Variants in MAP3K4 observed in about 807,000 individuals in gnomAD.
The protein encoded by MAP3K4 is mitogen-activated protein kinase kinase kinase 4.
MAP3K4 carries 67 observed loss-of-function variants against 185.6 expected under a neutral mutation model. The ratio of observed to expected loss-of-function variants is 0.36; its 90% CI spans 0.30 to 0.44. The LOEUF is 0.44. Among genes scored for constraint, MAP3K4 ranks in the 20% least tolerant of loss-of-function variants. MAP3K4 has a pLI of 1.00. For synonymous variants in MAP3K4, 702 were observed against 710.4 expected (o/e 0.99, Z 0.19); for missense variants, 1,551 against 1,995.1 (o/e 0.78, Z 4.24).
At position 161,048,831 on chromosome 6, in the gene MAP3K4, C is replaced by T; in HGVS notation, c.559C>T (p.Pro187Ser). The change falls in exon 3 of 27, where the codon CCT (proline) becomes TCT (serine). Residue 187 changes from proline to serine, a missense_variant. By Grantham distance (74) the Pro-to-Ser change is moderately conservative. Around this residue, in one of 16 missense-constraint regions of MAP3K4, gnomAD observed 287 missense variants for 268.8 expected, o/e 1.07. Coordinates refer to ENST00000392142, the MANE Select transcript of MAP3K4 (RefSeq NM_005922.4). The surrounding 1 kb of genome is among the most constrained non-coding windows in gnomAD (Gnocchi z 4.7). ...AATTCCAGATGTGGATCTCAATAAG[C>T]CTTACCTCAGCCTTGGCTGTAGCAA... Reference protein sequence around the residue: ...KSIPDVDLNKPYLSLGCSNAK... With the variant: ...KSIPDVDLNKSYLSLGCSNAK... The T allele has an allele frequency of 6.2e-7, 1 of 1,614,178 alleles. No homozygotes were observed.
At chr6:161,018,272 T>G (rs537657794) in intron 1 of MAP3K4, among the ~76,000 whole-genome samples, 1 of 152,218 alleles carries the variant, frequency 6.6e-6, no homozygotes, top group South Asian at 2.1e-4. Context: ...TAAGGCCTTC[T>G]TGAGTCGTTG....
At position 161,093,799 on chromosome 6, in the gene MAP3K4, C is replaced by T. The variant is rs200207200; in HGVS notation, c.3375C>T (p.Cys1125=). Residue 1125 remains cysteine, a synonymous_variant, in exon 15 of 27, where the codon TGC becomes TGT. Transcript: ENST00000392142. This position sits in a 1 kb window ranked among gnomAD's most constrained non-coding sequence, Gnocchi z 5.2. ...FLSLQALMNE[C]IGHVIGKPHS... is the part of the protein sequence containing the mutation. ...GTTTACAAGCCTTGATGAATGAATGCATTGGCCATGTCATAGGAAAACCAC... is the reference window on the plus strand; with the variant it reads ...GTTTACAAGCCTTGATGAATGAATGTATTGGCCATGTCATAGGAAAACCAC... The T allele has an allele frequency of 9.9e-6, 16 of 1,613,146 alleles. No homozygotes were observed. The highest frequency in any genetic ancestry group is 1.4e-5 in the Non-Finnish European group (16 of 1,179,502).
At position 161,115,892 on chromosome 6, in the gene MAP3K4, A is replaced by G. The variant is rs1427889983; in HGVS notation, c.4806+590A>G. On this transcript the variant is annotated intron_variant, in intron 26 of 26. Transcript: ENST00000392142. This position sits in a 1 kb window ranked among gnomAD's most constrained non-coding sequence, Gnocchi z 6.0. The stretch of plus-strand genomic sequence containing the variant: ...GGATGTGGACAAGGGCAGGAAGATA[A>G]GGCTAGAACAGTAACCAGGAGCAAC... Among the ~76,000 whole-genome samples the G allele has an allele frequency of 6.6e-6, 1 of 152,196 alleles. No homozygotes were observed. The highest frequency in any genetic ancestry group is 1.5e-5 in the Non-Finnish European group (1 of 68,026).
chr6:161,035,852 T>G (rs997340011), intron 2 of MAP3K4, among the ~76,000 whole-genome samples: 2 of 152,168 alleles, frequency 1.3e-5, no homozygotes, highest in African/African-American at 4.8e-5. Flanking sequence ...TTCATACTAT[T>G]TTAGAACATG....
In MAP3K4 at chr6:161,037,657, A is replaced by T. The variant is rs1783236519; in HGVS notation, c.343+3208A>T. Among the ~76,000 whole-genome samples the T allele has an allele frequency of 6.6e-6, 1 of 151,452 alleles. No individual in the cohort carries two copies. Among genetic ancestry groups the T allele is most frequent in the Non-Finnish European group, 1.5e-5 (1 of 67,762 alleles). On this transcript the variant is annotated intron_variant, in intron 2 of 26. Coordinates refer to ENST00000392142, the MANE Select transcript of MAP3K4 (RefSeq NM_005922.4). This position sits in a 1 kb window ranked among gnomAD's most constrained non-coding sequence, Gnocchi z 4.2. The stretch of plus-strand genomic sequence containing the variant: ...GGTCTCGAACTGCTGACCTCAGGTG[A>T]TCCACCTGCCTCAGTCTCCCAAAGT...
Position 161,100,787 on chromosome 6 carries a change from T to C in MAP3K4, c.3675-1105T>C, listed in dbSNP as rs1407083357. ...TGACTTCTTGGTCTCACCAGTGGTC[T>C]TTGTTGCTGCTTAGGAGTGGAGTAG... On this transcript the variant is annotated intron_variant, in intron 17 of 26. Coordinates refer to ENST00000392142, the MANE Select transcript of MAP3K4 (RefSeq NM_005922.4). This position sits in a 1 kb window ranked among gnomAD's most constrained non-coding sequence, Gnocchi z 5.8. 6.6e-6 allele frequency among the ~76,000 whole-genome samples: 1 copy of C among 152,198 alleles called. No homozygotes were observed. The highest frequency in any genetic ancestry group is 1.5e-5 in the Non-Finnish European group (1 of 68,032).
Position 161,093,896 on chromosome 6 carries a change from G to C in MAP3K4, c.3427+45G>C, listed in dbSNP as rs1777445956. On this transcript the variant is annotated intron_variant, in intron 15 of 26. Coordinates refer to ENST00000392142, the MANE Select transcript of MAP3K4 (RefSeq NM_005922.4). The surrounding 1 kb of genome is among the most constrained non-coding windows in gnomAD (Gnocchi z 5.2). ...CATTTCTTCTGGAACATAATGATTT[G>C]AGTGGACAGATCCTCTTGTAATTGC... 7.3e-7 allele frequency: 1 copy of C among 1,362,366 alleles called. No individual in the cohort carries two copies. Among genetic ancestry groups the C allele is most frequent in the Non-Finnish European group, 1.0e-6 (1 of 956,518 alleles). 84.4% of individuals were successfully genotyped at this position (1,362,366 alleles called of 1,614,324 possible).
In MAP3K4 at chr6:161,022,956, A is replaced by T. The variant is rs943338047; in HGVS notation, c.153-11303A>T. Among the ~76,000 whole-genome samples the T allele has an allele frequency of 6.6e-6, 1 of 152,208 alleles. No individual in the cohort carries two copies. The highest frequency in any genetic ancestry group is 1.5e-5 in the Non-Finnish European group (1 of 68,044). The stretch of plus-strand genomic sequence containing the variant: ...AAAATTCTTCATAACTTAATGGGTA[A>T]CAAATTACAGAGCTGATTGAAAACA... On this transcript the variant is annotated intron_variant, in intron 1 of 26. Transcript: ENST00000392142. The surrounding 1 kb of genome is among the most constrained non-coding windows in gnomAD (Gnocchi z 4.2).
chr6:161,044,522 CCGCACCCAACACCCTA>C (rs1783629950), intron 2 of MAP3K4, among the ~76,000 whole-genome samples: 1 of 152,118 alleles, frequency 6.6e-6, no homozygotes, highest in African/African-American at 2.4e-5. Context: ...TAGACTACCC[CCGCACCCAACACCCTA>C]GTGTTGTTCT....
chr6:161,046,506 T>TA (rs1319408637), intron 2 of MAP3K4, among the ~76,000 whole-genome samples: 2 of 115,946 alleles, frequency 1.7e-5, no homozygotes, highest in Non-Finnish European at 3.6e-5. Flanking sequence ...AATTCTATCT[T>TA]AAAAATTTTA....
At chr6:161,092,390 A>G (rs1181143640) in intron 13 of MAP3K4, among the ~76,000 whole-genome samples, 4 of 152,118 alleles carry the variant, frequency 2.6e-5, no homozygotes, top group Non-Finnish European at 5.9e-5. Flanking sequence ...TCCTTTGACA[A>G]GTCTTCCTGA....
chr6:161,104,199 G>GA lies in MAP3K4; in HGVS notation c.3856+1421dup, dbSNP rs571066826. On this transcript the variant is annotated intron_variant, in intron 19 of 26. Transcript: ENST00000392142. ...GAAGGCCGAGGCAGGAGGATCACCTGAGGTCAGGAGTTCAAGACCAGCCTG... is the reference window on the plus strand; with the variant it reads ...GAAGGCCGAGGCAGGAGGATCACCTGAAGGTCAGGAGTTCAAGACCAGCCTG... Among the ~76,000 whole-genome samples, 1,496 of 151,992 alleles carry GA rather than the reference G, an allele frequency of 9.8e-3. 15 individuals carry two copies. The highest frequency in any genetic ancestry group is 0.017 in the Middle Eastern group (5 of 294).
intron 13 of MAP3K4, 107 bp downstream of exon 13, chr6:161,092,250 ACT>A (rs879380336): frequency 1.7e-5 from 20 of 1,167,540 alleles, no homozygotes; most frequent in Non-Finnish European, 2.1e-5. Context: ...AGAAGGGAAC[ACT>A]CTAAACTCTT....
Position 161,037,480 on chromosome 6 carries a change from G to A in MAP3K4, c.343+3031G>A, listed in dbSNP as rs1034986948. ...GTTGCCCAGGCTGGAGTGCAGTGGC[G>A]CGATCTCAGCTCACTGCAACCTCCG... On this transcript the variant is annotated intron_variant, in intron 2 of 26. Coordinates refer to ENST00000392142, the MANE Select transcript of MAP3K4 (RefSeq NM_005922.4). This position sits in a 1 kb window ranked among gnomAD's most constrained non-coding sequence, Gnocchi z 4.2. Among the ~76,000 whole-genome samples, 3 of 152,106 alleles carry A rather than the reference G, an allele frequency of 2.0e-5. No individual in the cohort carries two copies. Among genetic ancestry groups the A allele is most frequent in the Admixed American group, 6.5e-5 (1 of 15,294 alleles).
At position 161,109,681 on chromosome 6, in the gene MAP3K4, GT is replaced by G. The variant is rs1184293879; in HGVS notation, c.4237-70del. 6.6e-7 allele frequency: 1 copy of G among 1,526,488 alleles called. No homozygotes were observed. The highest frequency in any genetic ancestry group is 1.2e-5 in the South Asian group (1 of 86,334). The allele number at this position is 1,526,488 out of a possible 1,614,324, so 94.6% of individuals were successfully genotyped here. On this transcript the variant is annotated intron_variant, in intron 22 of 26. Coordinates refer to ENST00000392142, the MANE Select transcript of MAP3K4 (RefSeq NM_005922.4). This position sits in a 1 kb window ranked among gnomAD's most constrained non-coding sequence, Gnocchi z 5.7. ...ATTCCTTTGGGGTGTGGCCTAGGAA[GT>G]TTTCCAGATTTTTCACTAGCGTACA...
rs1415322134 is a variant in MAP3K4, at chr6:161,048,301, T to TA, written c.344-314dup. On this transcript the variant is annotated intron_variant, in intron 2 of 26. Transcript: ENST00000392142. This position sits in a 1 kb window ranked among gnomAD's most constrained non-coding sequence, Gnocchi z 4.7. ...CCTCCTTAAATTGAAGGTGATTACT[T>TA]ACGGAAATTTGGTTAAATGATTTGA... 2 of 569,296 alleles carry TA rather than the reference T, an allele frequency of 3.5e-6. No homozygotes were observed. Among genetic ancestry groups the TA allele is most frequent in the South Asian group, 1.4e-5 (1 of 71,734 alleles). 35.3% of individuals were successfully genotyped at this position (569,296 alleles called of 1,614,324 possible). A position where few individuals can be genotyped will look rare whatever the true frequency, so the allele number is the denominator to read the frequency against.
intron 6 of MAP3K4, among the ~76,000 whole-genome samples, chr6:161,083,634 T>TTGCTTGACTACATCTTCA (rs1239699356): frequency 3.9e-5 from 6 of 152,118 alleles, no homozygotes; most frequent in Non-Finnish European, 8.8e-5. Flanking sequence ...ATGAACATGC[T>TTGCTTGACTACATCTTCA]TGCTTGACTA....
chr6:161,059,590 C>A (rs954226909), intron 3 of MAP3K4, among the ~76,000 whole-genome samples: 3 of 152,104 alleles, frequency 2.0e-5, no homozygotes, highest in Admixed American at 1.3e-4. Flanking sequence ...GAATTTTATT[C>A]ATTTTTCTAT....
At chr6:161,003,244 A>T (rs2115053784) in intron 1 of MAP3K4, among the ~76,000 whole-genome samples, 1 of 143,266 alleles carries the variant, frequency 7.0e-6, no homozygotes, top group Non-Finnish European at 1.5e-5. Flanking sequence ...GAAAGACAAA[A>T]TGCACTGGAT....
Sources: gnomAD v4.1 joint callset for allele counts (sites outside exome capture counted in the v4.1 genomes callset) on GRCh38, gnomAD v4.1.1 for gene constraint, gnomAD v4.1.1 regional missense constraint, Gnocchi (gnomAD v3.1) non-coding constraint, MANE v1.5 for transcripts, NCBI Gene and HGNC (gene_info 2026-07-23, HGNC 2026-07-21) for gene names.